ATR: variants seen among roughly 807,000 people sequenced by gnomAD.
ATR encodes ATR checkpoint kinase, also known as serine/threonine-protein kinase ATR.
ATR carries 142 observed loss-of-function variants against 305.3 expected under a neutral mutation model. The ratio of observed to expected loss-of-function variants is 0.47; its 90% CI spans 0.41 to 0.53. ATR has a LOEUF of 0.53. ATR is among the 20% of genes least tolerant of loss of function. The probability of loss-of-function intolerance (pLI) is 0.00; values close to 1 mark genes in which losing one functional copy is unlikely to be tolerated. For synonymous variants in ATR, 1,050 were observed against 1,068.1 expected, an observed-to-expected ratio of 0.98 and a Z score of 0.33; for missense variants, 2,135 against 3,133.1, an observed-to-expected ratio of 0.68 and a Z score of 7.60.
chr3:142,514,007 C>T (rs780084687), intron 25 of ATR, among the ~76,000 whole-genome samples: 4 of 152,044 alleles, frequency 2.6e-5, no homozygotes, highest in Non-Finnish European at 4.4e-5. Context: ...TGGTGGCTCA[C>T]GCCTGTAATC....
chr3:142,553,164 CT>C lies in ATR; in HGVS notation c.2805+62del, dbSNP rs926279240. ...AAATAAAACATGTATAAATATTCTT[CT>C]TTTTTGTAACTCTTAAAAAGTACTG... On this transcript the variant is annotated intron_variant, in intron 13 of 46. Transcript: ENST00000350721. 5.2e-6 allele frequency: 8 copies of C among 1,552,362 alleles called. No individual in the cohort carries two copies. In the African/African-American group the frequency reaches 5.5e-5, roughly 11 times the overall value.
At chr3:142,564,394 T>C (rs1347640119) in intron 3 of ATR, among the ~76,000 whole-genome samples, 1 of 152,190 alleles carries the variant, frequency 6.6e-6, no homozygotes, top group Non-Finnish European at 1.5e-5. Context: ...TGTAATTTCA[T>C]GTATAAGGAG....
chr3:142,473,282 G>A (rs1161272292), intron 36 of ATR, among the ~76,000 whole-genome samples: 4 of 152,290 alleles, frequency 2.6e-5, no homozygotes, highest in East Asian at 1.9e-4. Flanking sequence ...TGTATATGGT[G>A]TAAGGTAAGA....
intron 29 of ATR, 113 bp from the exon 30 acceptor site, chr3:142,503,566 T>C (rs760328334): frequency 5.4e-5 from 27 of 500,770 alleles, no homozygotes; most frequent in Non-Finnish European, 8.7e-5. Context: ...ATTGCCCTTA[T>C]TTTTTTATTA....
intron 8 of ATR, among the ~76,000 whole-genome samples, chr3:142,558,271 C>T (rs1315968272): frequency 1.3e-5 from 2 of 151,916 alleles, no homozygotes; most frequent in Non-Finnish European, 1.5e-5. Flanking sequence ...GCCTGTAATC[C>T]TAGCACTTTA....
intron 17 of ATR, among the ~76,000 whole-genome samples, chr3:142,541,528 A>C (rs2034052019): frequency 6.6e-6 from 1 of 152,220 alleles, no homozygotes. Context: ...TTAGTAAAAC[A>C]AATAATTAAT....
Position 142,457,654 on chromosome 3 carries a change from T to A in ATR, c.7605A>T (p.Ala2535=). Residue 2535 remains alanine (A), a synonymous_variant, in exon 45 of 47, where the codon GCA becomes GCT. Coordinates refer to ENST00000350721, the MANE Select transcript of ATR (RefSeq NM_001184.4). ...PMGTEGLFRR[A]CEVTMRLMRD... Reference sequence around the variant, plus strand: ...GCATCAGCCTCATTGTAACTTCACATGCTCTTCGAAAAAGACCCTCTGTTC... The same window carrying A: ...GCATCAGCCTCATTGTAACTTCACAAGCTCTTCGAAAAAGACCCTCTGTTC... The A allele has an allele frequency of 6.2e-7, 1 of 1,614,078 alleles. No individual in the cohort carries two copies. Among genetic ancestry groups the A allele is most frequent in the South Asian group, 1.1e-5 (1 of 91,078 alleles).
intron 16 of ATR, among the ~76,000 whole-genome samples, chr3:142,545,215 A>AT (rs1338320063): frequency 6.6e-6 from 1 of 152,010 alleles, no homozygotes; most frequent in African/African-American, 2.4e-5. Context: ...AAGACACTAA[A>AT]TAAGTAGTAA....
At chr3:142,452,669 G>C in intron 46 of ATR, 2 of 1,025,770 alleles carry the variant, frequency 1.9e-6, no homozygotes, top group Non-Finnish European at 2.4e-6. Context: ...GCGAGACTCT[G>C]TCTCAAAAAC....
Position 142,499,721 on chromosome 3 carries a change from A to G in ATR, c.5289-3T>C. ...TTAATTCATCTGTCCACTCGGACCT[A>G]TTAAAAGAAACCCATATCAACTAAA... On this transcript the variant is annotated splice_region_variant and splice_polypyrimidine_tract_variant and intron_variant, in intron 30 of 46. Coordinates refer to ENST00000350721, the MANE Select transcript of ATR (RefSeq NM_001184.4). 1 of 1,613,728 alleles carries G rather than the reference A, an allele frequency of 6.2e-7. No homozygotes were observed.
rs149482096 is a variant in ATR at position 142,558,745 on chromosome 3, T to C, written c.1764A>G (p.Glu588=). 5.6e-4 allele frequency: 903 copies of C among 1,610,632 alleles called. No individual in the cohort carries two copies. The highest frequency in any genetic ancestry group is 7.1e-4 in the Non-Finnish European group (837 of 1,177,580). Reference sequence around the variant, plus strand: ...GAAGTGAGAGCATACCACATAAATCTTCCAGGATATGATCTTCAAATGAAC... The same window carrying C: ...GAAGTGAGAGCATACCACATAAATCCTCCAGGATATGATCTTCAAATGAAC... ...VNSSFEDHIL[E]DLCGMLSLPW... The change falls in exon 8 of 47, where the codon GAA becomes GAG. Residue 588 remains glutamate (E), a synonymous_variant. Coordinates refer to ENST00000350721, the MANE Select transcript of ATR (RefSeq NM_001184.4).
At chr3:142,571,129 A>C (rs1034838786) in intron 1 of ATR, among the ~76,000 whole-genome samples, 7 of 152,216 alleles carry the variant, frequency 4.6e-5, no homozygotes, top group Non-Finnish European at 1.0e-4. Flanking sequence ...CTCTGCTTCA[A>C]AGAACTCAGA....
At chr3:142,535,997 G>A in intron 20 of ATR, 111 bp downstream of exon 20, 1 of 780,122 alleles carries the variant, frequency 1.3e-6, no homozygotes, top group East Asian at 2.6e-5. Context: ...TATCAGAATA[G>A]GACTATATTA....
At chr3:142,479,645 G>A (rs1019841014) in intron 36 of ATR, among the ~76,000 whole-genome samples, 1 of 152,092 alleles carries the variant, frequency 6.6e-6, no homozygotes, top group African/African-American at 2.4e-5. Flanking sequence ...GCCTTGCTAG[G>A]TTGGGGAAGT....
intron 36 of ATR, among the ~76,000 whole-genome samples, chr3:142,479,957 T>C (rs1257314258): frequency 6.6e-6 from 1 of 152,246 alleles, no homozygotes; most frequent in Non-Finnish European, 1.5e-5. Flanking sequence ...TAAGGATTTC[T>C]CTGCATTGGT....
At chr3:142,528,506 G>A (rs2033490750) in intron 21 of ATR, among the ~76,000 whole-genome samples, 1 of 152,080 alleles carries the variant, frequency 6.6e-6, no homozygotes, top group Non-Finnish European at 1.5e-5. Context: ...GTGGCAGAAT[G>A]AGAATTCCTG....
In ATR at chr3:142,504,969, G is replaced by A. The variant is rs534845713; in HGVS notation, c.5196+170C>T. Among the ~76,000 whole-genome samples the A allele has an allele frequency of 8.8e-4, 134 of 152,088 alleles. 1 individual carries two copies. Among genetic ancestry groups the A allele is most frequent in the African/African-American group, 2.7e-3 (111 of 41,510 alleles). On this transcript the variant is annotated intron_variant, in intron 29 of 46. Coordinates refer to ENST00000350721, the MANE Select transcript of ATR (RefSeq NM_001184.4). ...GGCTGAGGCAGAATTGCTTGAGCCC[G>A]GGAGACAGAGGTTGCAGTGAGCCAA...
chr3:142,512,219 CTAAAA>C, intron 27 of ATR, 36 bp downstream of exon 27: 1 of 975,474 alleles, frequency 1.0e-6, no homozygotes, highest in South Asian at 1.3e-5. Flanking sequence ...TGGTGAATAG[CTAAAA>C]AAAAAAAAAA....
intron 44 of ATR, among the ~76,000 whole-genome samples, chr3:142,458,397 G>A (rs1194030567): frequency 6.6e-6 from 1 of 152,132 alleles, no homozygotes; most frequent in Non-Finnish European, 1.5e-5. Flanking sequence ...GACAGCACAA[G>A]GCAACCTGTA....
Sources: gnomAD v4.1 joint callset for allele counts (sites outside exome capture counted in the v4.1 genomes callset) on GRCh38, gnomAD v4.1.1 for gene constraint, MANE v1.5 for transcripts, NCBI Gene and HGNC (gene_info 2026-07-23, HGNC 2026-07-21) for gene names.